The following ARAP1 variants were observed in gnomAD, a reference collection of about 807,000 sequenced individuals.
The protein encoded by ARAP1 is ArfGAP with RhoGAP domain, ankyrin repeat and PH domain 1, also known as arf-GAP with Rho-GAP domain, ANK repeat and PH domain-containing protein 1.
ARAP1 carries 76 observed loss-of-function variants against 172.2 expected under a neutral mutation model. The ratio of observed to expected loss-of-function variants is 0.44; its 90% confidence interval spans 0.37 to 0.53. ARAP1 has a LOEUF of 0.53. Among genes scored for constraint, ARAP1 ranks in the 20% least tolerant of loss-of-function variants. The pLI, the probability that ARAP1 is intolerant of heterozygous loss-of-function variation, is 0.00. For synonymous variants in ARAP1, 804 were observed against 803.3 expected, an observed-to-expected ratio of 1.00 and a Z score of -0.01; for missense variants, 1,686 against 1,977.5, an observed-to-expected ratio of 0.85 and a Z score of 2.80.
chr11:72,746,243 A>G (rs1858361176), intron 1 of ARAP1, among the ~76,000 whole-genome samples: 1 of 152,082 alleles, frequency 6.6e-6, no homozygotes, highest in South Asian at 2.1e-4. Flanking sequence ...CCCCACTGCC[A>G]AGATAACTGA....
intron 3 of ARAP1, among the ~76,000 whole-genome samples, chr11:72,716,880 G>A (rs1436023329): frequency 6.6e-6 from 1 of 152,218 alleles, no homozygotes; most frequent in East Asian, 1.9e-4. Flanking sequence ...TGGGAATCTG[G>A]GGCCAAGGGG....
intron 3 of ARAP1, among the ~76,000 whole-genome samples, chr11:72,723,806 G>A (rs1857603916): frequency 6.6e-6 from 1 of 152,218 alleles, no homozygotes; most frequent in African/African-American, 2.4e-5. Context: ...TAGATGTTGG[G>A]GATTCTGCAG....
At chr11:72,742,568 C>CT (rs1254819765) in intron 1 of ARAP1, among the ~76,000 whole-genome samples, 1 of 152,096 alleles carries the variant, frequency 6.6e-6, no homozygotes, top group Non-Finnish European at 1.5e-5. Context: ...TGAGTGCAGA[C>CT]TGAGAAGGGC....
Position 72,693,890 on chromosome 11 carries a change from C to T in ARAP1, c.3695-85G>A. The T allele has an allele frequency of 4.5e-6, 5 of 1,102,992 alleles. No individual in the cohort carries two copies. Among genetic ancestry groups the T allele is most frequent in the South Asian group, 3.0e-5 (2 of 66,966 alleles). The allele number at this position is 1,102,992 out of a possible 1,614,324, so 68.3% of individuals were successfully genotyped here. A position where few individuals can be genotyped will look rare whatever the true frequency, so the allele number is the denominator to read the frequency against. ...GGCAGATGGGCACATATCACCTACACATCCCCTGTCCACTCCAACCATATG... is the reference window on the plus strand; with the variant it reads ...GGCAGATGGGCACATATCACCTACATATCCCCTGTCCACTCCAACCATATG... On this transcript the variant is annotated intron_variant, in intron 27 of 34. Transcript: ENST00000393609. This position sits in a 1 kb window ranked among gnomAD's most constrained non-coding sequence, Gnocchi z 4.6.
At chr11:72,692,227 C>T (rs527417435) in intron 30 of ARAP1, among the ~76,000 whole-genome samples, 7 of 152,166 alleles carry the variant, frequency 4.6e-5, no homozygotes, top group Admixed American at 3.3e-4. Flanking sequence ...GCCCCAAGGG[C>T]GGAGGGATGA....
rs530806310 is a variant in ARAP1 at position 72,743,026 on chromosome 11, C to T, written c.-128+9302G>A. ...TCGGGCACCTCCTCAAATGCAAGGC[C>T]TTTCTTCCCTGACCACTCTATCCTA... On this transcript the variant is annotated intron_variant, in intron 1 of 34. Coordinates refer to ENST00000393609, the MANE Select transcript of ARAP1 (RefSeq NM_001040118.3). Among the ~76,000 whole-genome samples the T allele has an allele frequency of 2.0e-5, 3 of 152,330 alleles. No homozygotes were observed. In the East Asian group the frequency reaches 5.8e-4, roughly 29 times the overall value.
chr11:72,711,322 C>A, intron 8 of ARAP1, 108 bp downstream of exon 8: 1 of 1,490,752 alleles, frequency 6.7e-7, no homozygotes, highest in Non-Finnish European at 9.2e-7. Flanking sequence ...AGGGGTCAGA[C>A]TTAGAACTCT....
At chr11:72,716,128 G>A (rs369080875) in intron 3 of ARAP1, among the ~76,000 whole-genome samples, 5 of 142,844 alleles carry the variant, frequency 3.5e-5, no homozygotes, top group Admixed American at 1.5e-4. Context: ...AGCCGAGATC[G>A]CGCCACTGCA....
rs1223690471 is a variant in ARAP1, at chr11:72,691,658, A to G, written c.3987+1095T>C. On this transcript the variant is annotated intron_variant, in intron 30 of 34. Transcript: ENST00000393609. ...CCTGCCATGGCAGCCAAGCCTGTTCAGATGACCTCAGGAAATGCAAGGGGC... is the reference window on the plus strand; with the variant it reads ...CCTGCCATGGCAGCCAAGCCTGTTCGGATGACCTCAGGAAATGCAAGGGGC... Among the ~76,000 whole-genome samples, 6 of 152,218 alleles carry G rather than the reference A, an allele frequency of 3.9e-5. No homozygotes were observed. In the East Asian group the frequency reaches 1.2e-3, roughly 29 times the overall value.
At position 72,711,493 on chromosome 11, in the gene ARAP1, G is replaced by T. The variant is rs772778727; in HGVS notation, c.1029C>A (p.Tyr343Ter). 2.5e-6 allele frequency: 4 copies of T among 1,612,354 alleles called. No homozygotes were observed. The highest frequency in any genetic ancestry group is 1.3e-5 in the African/African-American group (1 of 74,876). ...GTCTCACCCATCGTTTCTGATAGATGTAAGATCTGGAGAGGGAGAGGGACA... is the reference window on the plus strand; with the variant it reads ...GTCTCACCCATCGTTTCTGATAGATTTAAGATCTGGAGAGGGAGAGGGACA... ...WLDKNPPQGS[Y>*]IYQKRWVRLD... The change falls in exon 8 of 35, where the codon TAC (tyrosine) becomes TAA (stop). Residue 343 changes from tyrosine to a stop codon, truncating the protein, a stop_gained. Coordinates refer to ENST00000393609, the MANE Select transcript of ARAP1 (RefSeq NM_001040118.3). LOFTEE classifies it high-confidence loss of function.
chr11:72,699,621 C>G lies in ARAP1; in HGVS notation c.2303-69G>C. ...CACCTGAAAACCACCTCTGCATCCTCCCGGGGCTCCTGCTCCCATCTGACC... is the reference window on the plus strand; with the variant it reads ...CACCTGAAAACCACCTCTGCATCCTGCCGGGGCTCCTGCTCCCATCTGACC... On this transcript the variant is annotated intron_variant, in intron 16 of 34. Transcript: ENST00000393609. This position sits in a 1 kb window ranked among gnomAD's most constrained non-coding sequence, Gnocchi z 4.2. 4 of 1,547,912 alleles carry G rather than the reference C, an allele frequency of 2.6e-6. No individual in the cohort carries two copies. The highest frequency in any genetic ancestry group is 3.5e-6 in the Non-Finnish European group (4 of 1,146,510).
rs200674295 is a variant in ARAP1 at position 72,712,325 on chromosome 11, G to T, written c.893C>A (p.Thr298Asn). 26 of 1,556,196 alleles carry T rather than the reference G, an allele frequency of 1.7e-5. No individual in the cohort carries two copies. In the Admixed American group the frequency reaches 3.3e-4, roughly 20 times the overall value. The change falls in exon 7 of 35, where the codon ACC (threonine) becomes AAC (asparagine). Residue 298 changes from threonine (T) to asparagine (N), a missense_variant. Coordinates refer to ENST00000393609, the MANE Select transcript of ARAP1 (RefSeq NM_001040118.3). ...YEGVPNGGWHTSSLSLSLPST... is the reference protein window; with the variant it reads ...YEGVPNGGWHNSSLSLSLPST... ...GGGCAAGGACAAGCTCAGGCTGCTGGTATGCCATCCGCCACTAGCGAGAGA... is the reference window on the plus strand; with the variant it reads ...GGGCAAGGACAAGCTCAGGCTGCTGTTATGCCATCCGCCACTAGCGAGAGA...
intron 3 of ARAP1, among the ~76,000 whole-genome samples, chr11:72,721,604 G>C (rs531057727): frequency 6.6e-6 from 1 of 152,248 alleles, no homozygotes; most frequent in African/African-American, 2.4e-5. Context: ...CGTATGGGGA[G>C]GTGGAGACCT....
chr11:72,727,906 G>T (rs1857746027), intron 2 of ARAP1, among the ~76,000 whole-genome samples: 1 of 152,210 alleles, frequency 6.6e-6, no homozygotes, highest in Non-Finnish European at 1.5e-5. Flanking sequence ...TGGGAGTCAA[G>T]AGGTGATATG....
Position 72,710,042 on chromosome 11 carries a change from G to A in ARAP1, c.1417-66C>T, listed in dbSNP as rs751420912. On this transcript the variant is annotated intron_variant, in intron 10 of 34. Coordinates refer to ENST00000393609, the MANE Select transcript of ARAP1 (RefSeq NM_001040118.3). This position sits in a 1 kb window ranked among gnomAD's most constrained non-coding sequence, Gnocchi z 4.3. ...GGCAGGGCGTGAGGCTTGGGACAGG[G>A]AGAGGAAGGGAAGGTGGTGCAACTC... 2.8e-6 allele frequency: 4 copies of A among 1,418,488 alleles called. No individual in the cohort carries two copies. Among genetic ancestry groups the A allele is most frequent in the Non-Finnish European group, 4.0e-6 (4 of 1,003,558 alleles). The allele number at this position is 1,418,488 out of a possible 1,614,324, so 87.9% of individuals were successfully genotyped here. A position where few individuals can be genotyped will look rare whatever the true frequency, so the allele number is the denominator to read the frequency against.
intron 1 of ARAP1, among the ~76,000 whole-genome samples, chr11:72,737,050 G>A (rs1051171897): frequency 3.3e-5 from 5 of 152,286 alleles, no homozygotes; most frequent in African/African-American, 1.2e-4. Context: ...CAAAAAGTCT[G>A]CCCTGACTGC....
At chr11:72,735,078 C>G (rs1857978794) in intron 1 of ARAP1, among the ~76,000 whole-genome samples, 1 of 151,878 alleles carries the variant, frequency 6.6e-6, no homozygotes, top group Non-Finnish European at 1.5e-5. Context: ...CCTCTTGGGC[C>G]CAAGCAATTA....
At position 72,720,756 on chromosome 11, in the gene ARAP1, CT is replaced by C. The variant is rs561239981; in HGVS notation, c.509+5863del. Reference sequence around the variant, plus strand: ...TATGTGCCAAACATTCTGCTAGGGGCTTTTTTTCATATAATGACCTGGGATT... The same window carrying C: ...TATGTGCCAAACATTCTGCTAGGGGCTTTTTTCATATAATGACCTGGGATT... On this transcript the variant is annotated intron_variant, in intron 3 of 34. Coordinates refer to ENST00000393609, the MANE Select transcript of ARAP1 (RefSeq NM_001040118.3). Among the ~76,000 whole-genome samples the C allele has an allele frequency of 1.7e-3, 253 of 152,300 alleles. 1 individual carries two copies. The highest frequency in any genetic ancestry group is 5.8e-3 in the African/African-American group (240 of 41,564).
Position 72,695,235 on chromosome 11 carries a change from TG to T in ARAP1, c.3577-139del. 1 of 1,329,930 alleles carries T rather than the reference TG, an allele frequency of 7.5e-7. No individual in the cohort carries two copies. The highest frequency in any genetic ancestry group is 1.4e-5 in the African/African-American group (1 of 69,150). The allele number at this position is 1,329,930 out of a possible 1,614,324, so 82.4% of individuals were successfully genotyped here. ...TGGGATAGAGAGGGGTATTTCTGAG[TG>T]GTCCTTAGGAGCAGACCCCAGCACC... is the stretch of plus-strand genomic sequence containing the variant. On this transcript the variant is annotated intron_variant, in intron 26 of 34. Coordinates refer to ENST00000393609, the MANE Select transcript of ARAP1 (RefSeq NM_001040118.3). The surrounding 1 kb of genome is among the most constrained non-coding windows in gnomAD (Gnocchi z 4.4).
Sources: allele counts gnomAD v4.1 joint callset (sites outside exome capture counted in the v4.1 genomes callset), GRCh38; gene constraint gnomAD v4.1.1; non-coding constraint Gnocchi (gnomAD v3.1); transcripts MANE v1.5; gene names NCBI Gene and HGNC (gene_info 2026-07-23, HGNC 2026-07-21).